Variants in RBM4 observed in about 807,000 individuals in gnomAD.
The protein encoded by RBM4 is RNA binding motif protein 4.
A neutral mutation model predicts 29.5 loss-of-function variants in RBM4; 7 were observed. That is an observed-to-expected ratio of 0.24 (90% CI 0.14 to 0.45). The LOEUF is 0.45. Ranked by LOEUF, RBM4 falls within the 20% of genes least tolerant of loss-of-function variation. The probability of loss-of-function intolerance (pLI) is 1.00; values close to 1 mark genes in which losing one functional copy is unlikely to be tolerated. For missense variants in RBM4, 387 were observed against 502.3 expected (o/e 0.77, Z 2.19); for synonymous variants, 220 against 205.4 (o/e 1.07, Z -0.61).
chr11:66,642,044 G>A (rs1325029866), intron 2 of RBM4, among the ~76,000 whole-genome samples: 2 of 152,218 alleles, frequency 1.3e-5, no homozygotes, highest in African/African-American at 2.4e-5. Context: ...GCAAATGCCA[G>A]AGACAAGCTA....
rs568901565 is a variant in RBM4, at chr11:66,640,241, A to G, written c.412+118A>G. ...GCTGTTGGCTGGCTGGTGATGAAGAAATAAGTGTGGGTGATGGACTTCTTA... is the reference window on the plus strand; with the variant it reads ...GCTGTTGGCTGGCTGGTGATGAAGAGATAAGTGTGGGTGATGGACTTCTTA... On this transcript the variant is annotated intron_variant, in intron 2 of 3. Coordinates refer to ENST00000310092, the MANE Select transcript of RBM4 (RefSeq NM_002896.4). 1.1e-3 allele frequency: 1,507 copies of G among 1,371,120 alleles called. 2 individuals are homozygous for G. The highest frequency in any genetic ancestry group is 1.6e-3 in the South Asian group (132 of 82,452). The allele number at this position is 1,371,120 out of a possible 1,614,324, so 84.9% of individuals were successfully genotyped here.
downstream of RBM4, chr11:66,649,875 G>A: frequency 3.4e-6 from 2 of 584,118 alleles, no homozygotes; most frequent in Non-Finnish European, 6.1e-6. Flanking sequence ...CACTGCGTCT[G>A]GTCAAAATGT....
chr11:66,661,299 C>T (rs1939079398), intron 2 of RBM4, among the ~76,000 whole-genome samples: 1 of 152,190 alleles, frequency 6.6e-6, no homozygotes, highest in South Asian at 2.1e-4. Context: ...CTTCCTTTTC[C>T]CAAATCTCCT....
At chr11:66,663,178 C>G (rs1313853963) in intron 2 of RBM4, among the ~76,000 whole-genome samples, 1 of 152,054 alleles carries the variant, frequency 6.6e-6, no homozygotes, top group African/African-American at 2.4e-5. Flanking sequence ...GGGATCTAAA[C>G]AAAGATAAAT....
At chr11:66,650,430 G>T (rs992344000), downstream of RBM4, among the ~76,000 whole-genome samples, 33 of 152,228 alleles carry the variant, frequency 2.2e-4, no homozygotes, top group African/African-American at 6.3e-4. Context: ...AATTAGCCGG[G>T]CATGGTGGTG....
At chr11:66,660,271 A>C (rs909680764) in intron 2 of RBM4, among the ~76,000 whole-genome samples, 1 of 146,514 alleles carries the variant, frequency 6.8e-6, no homozygotes, top group Non-Finnish European at 1.5e-5. Flanking sequence ...ATGTCCTCCC[A>C]TTATTCCCTG....
chr11:66,658,650 A>G (rs915607844), intron 2 of RBM4, among the ~76,000 whole-genome samples: 1 of 151,950 alleles, frequency 6.6e-6, no homozygotes, highest in Non-Finnish European at 1.5e-5. Flanking sequence ...TAAAAAATTA[A>G]TATAAGCCAG....
rs527343227 is a variant in RBM4, at chr11:66,665,835, T to C, written c.413-21T>C. ...GAAGAATGTGTTGGTGATAAATACA[T>C]CTTTCTTATCCATCTTTTAGGCAAG... On this transcript the variant is annotated intron_variant, in intron 2 of 2. Transcript: ENST00000396053. The C allele has an allele frequency of 2.0e-5, 30 of 1,511,662 alleles. No homozygotes were observed. In the African/African-American group the frequency reaches 4.0e-4, roughly 20 times the overall value. The allele number at this position is 1,511,662 out of a possible 1,614,324, so 93.6% of individuals were successfully genotyped here.
At chr11:66,648,169 G>A (rs1442263327), downstream of RBM4, among the ~76,000 whole-genome samples, 1 of 152,032 alleles carries the variant, frequency 6.6e-6, no homozygotes, top group Non-Finnish European at 1.5e-5. Flanking sequence ...TTGCGCCACT[G>A]CACTCCAGCC....
rs147402658 is a variant in RBM4 at position 66,665,907 on chromosome 11, C to A, written c.464C>A (p.Thr155Lys). ...TACTGTTGCTGTAACAAAGGGCATA[C>A]ATACATTTTCAAGAACTGCAATTTA... The change falls in exon 3 of 3, where the codon ACA becomes AAA. Residue 155 changes from threonine to lysine, a missense_variant. By Grantham distance (78) the Thr-to-Lys change is moderately conservative. Coordinates refer to the RBM4 transcript ENST00000396053. 6 of 1,535,466 alleles carry A rather than the reference C, an allele frequency of 3.9e-6. 1 individual carries two copies. The South Asian group carries it at 7.1e-5, about 18-fold the overall frequency.
At chr11:66,660,026 T>A (rs1481476332) in intron 2 of RBM4, among the ~76,000 whole-genome samples, 1 of 152,142 alleles carries the variant, frequency 6.6e-6, no homozygotes, top group Non-Finnish European at 1.5e-5. Flanking sequence ...TCTGTCACAC[T>A]TTATTATCTC....
chr11:66,646,067 C>G lies in RBM4; in HGVS notation c.*49C>G, dbSNP rs1565082911. On this transcript the variant is annotated 3_prime_UTR_variant, in exon 4 of 4. Transcript: ENST00000310092. Reference sequence around the variant, plus strand: ...GCTGAAATTCCGAGCTGCGGTTGTGCATGAGAATACACCCTTCGTGGTACC... The same window carrying G: ...GCTGAAATTCCGAGCTGCGGTTGTGGATGAGAATACACCCTTCGTGGTACC... 2.0e-5 allele frequency: 30 copies of G among 1,535,956 alleles called. No homozygotes were observed. The highest frequency in any genetic ancestry group is 2.6e-5 in the Non-Finnish European group (30 of 1,146,922).
rs1938542990 is a variant in RBM4 at position 66,643,226 on chromosome 11, A to G, written c.413-224A>G. On this transcript the variant is annotated intron_variant, in intron 2 of 3. Coordinates refer to ENST00000310092, the MANE Select transcript of RBM4 (RefSeq NM_002896.4). The surrounding 1 kb of genome is among the most constrained non-coding windows in gnomAD (Gnocchi z 6.1). ...TTTCTTAAGCATTTAAACTGTTGTT[A>G]TAGCTGAAATATTTCTTCATCTAAG... 6.6e-6 allele frequency among the ~76,000 whole-genome samples: 1 copy of G among 151,958 alleles called. No individual in the cohort carries two copies. Among genetic ancestry groups the G allele is most frequent in the Non-Finnish European group, 1.5e-5 (1 of 68,022 alleles).
In RBM4 at chr11:66,643,950, G is replaced by A. The variant is rs767778848; in HGVS notation, c.913G>A (p.Gly305Arg). 8.8e-5 allele frequency: 142 copies of A among 1,612,896 alleles called. No homozygotes were observed. The highest frequency in any genetic ancestry group is 6.7e-5 in the East Asian group (3 of 44,884). ...AVTAASTSYYGRDRSPLRRAT... is the reference protein window; with the variant it reads ...AVTAASTSYYRRDRSPLRRAT... ...TACTGCAGCTTCCACTTCATATTAC[G>A]GGCGGGATCGGAGCCCCCTGCGTCG... Residue 305 changes from glycine to arginine, a missense_variant, in exon 3 of 4, where the codon GGG becomes AGG. By Grantham distance (125) the Gly-to-Arg change is moderately radical. Coordinates refer to ENST00000310092, the MANE Select transcript of RBM4 (RefSeq NM_002896.4). This position sits in a 1 kb window ranked among gnomAD's most constrained non-coding sequence, Gnocchi z 6.1.
At chr11:66,666,245 G>T in exon 3 of RBM4, 2 of 1,006,426 alleles carry the variant, frequency 2.0e-6, no homozygotes, top group Non-Finnish European at 1.3e-6. Flanking sequence ...GACACCAATG[G>T]CTGGGGGAAA....
chr11:66,656,853 G>GT (rs1368783268), intron 2 of RBM4, among the ~76,000 whole-genome samples: 2 of 151,992 alleles, frequency 1.3e-5, no homozygotes, highest in African/African-American at 4.8e-5. Flanking sequence ...CAGAGACGGA[G>GT]TTTCACCATG....
downstream of RBM4, among the ~76,000 whole-genome samples, chr11:66,650,724 G>A (rs1021519346): frequency 1.1e-4 from 16 of 143,628 alleles, no homozygotes; most frequent in Admixed American, 2.8e-4. Flanking sequence ...TTAGCCGGGC[G>A]TGGTGGTGGG....
At chr11:66,658,484 A>G (rs1034688383) in intron 2 of RBM4, among the ~76,000 whole-genome samples, 3 of 151,738 alleles carry the variant, frequency 2.0e-5, no homozygotes, top group East Asian at 3.9e-4. Flanking sequence ...AATGCACAGG[A>G]GGGGCACCTT....
At chr11:66,665,836 C>T (rs1485868077) in intron 2 of RBM4, 4 of 1,512,942 alleles carry the variant, frequency 2.6e-6, no homozygotes, top group Non-Finnish European at 3.5e-6. Flanking sequence ...ATAAATACAT[C>T]TTTCTTATCC....
Sources: gnomAD v4.1 joint callset for allele counts (sites outside exome capture counted in the v4.1 genomes callset) on GRCh38, gnomAD v4.1.1 for gene constraint, Gnocchi (gnomAD v3.1) non-coding constraint, MANE v1.5 for transcripts, NCBI Gene and HGNC (gene_info 2026-07-23, HGNC 2026-07-21) for gene names.